The following NRXN3 variants were observed in gnomAD, a reference collection of about 807,000 sequenced individuals.
The protein encoded by NRXN3 is neurexin 3.
NRXN3 carries 32 observed loss-of-function variants against 137.6 expected under a neutral mutation model. The observed-to-expected ratio is 0.23, with a 90% confidence interval of 0.18 to 0.31. The LOEUF (loss-of-function observed/expected upper bound fraction) is 0.31, where lower values mean the gene tolerates loss of function less well. Among genes scored for constraint, NRXN3 ranks in the 10% least tolerant of loss-of-function variants. The probability of loss-of-function intolerance (pLI) is 1.00; values close to 1 mark genes in which losing one functional copy is unlikely to be tolerated. For missense variants in NRXN3, 1,574 were observed against 2,062.5 expected, an observed-to-expected ratio of 0.76 and a Z score of 4.59; for synonymous variants, 798 against 784.5, an observed-to-expected ratio of 1.02 and a Z score of -0.29.
chr14:78,482,212 T>C (rs928351893), intron 4 of NRXN3, among the ~76,000 whole-genome samples: 4 of 152,212 alleles, frequency 2.6e-5, no homozygotes, highest in Non-Finnish European at 4.4e-5. Flanking sequence ...TCAACTGATA[T>C]TGTTTCCATG....
chr14:79,257,439 GTGGTAGTGA>G (rs2076816598), intron 15 of NRXN3, among the ~76,000 whole-genome samples: 1 of 34,618 alleles, frequency 2.9e-5, no homozygotes, highest in Admixed American at 3.3e-4. Context: ...GGTGGTGGTG[GTGGTAGTGA>G]TGGTGGTGGT....
chr14:79,082,403 G>GTGTGTGTC (rs904237589), intron 15 of NRXN3, among the ~76,000 whole-genome samples: 1 of 151,822 alleles, frequency 6.6e-6, no homozygotes, highest in Admixed American at 6.6e-5. Flanking sequence ...GTGTGTGTGT[G>GTGTGTGTC]TGTGTGTGTG....
chr14:78,976,572 T>C, intron 14 of NRXN3, among the ~76,000 whole-genome samples: 1 of 152,216 alleles, frequency 6.6e-6, no homozygotes, highest in East Asian at 1.9e-4. Context: ...CCTCATTTTC[T>C]CCGAAACTGA....
chr14:79,769,390 T>A (rs940258770), intron 19 of NRXN3, among the ~76,000 whole-genome samples: 6 of 151,770 alleles, frequency 4.0e-5, no homozygotes, highest in Non-Finnish European at 8.8e-5. Context: ...CGGGTTACCC[T>A]CAAAGGGAAG....
intron 19 of NRXN3, among the ~76,000 whole-genome samples, chr14:79,803,602 TAC>T (rs2099190548): frequency 6.6e-6 from 1 of 152,080 alleles, no homozygotes; most frequent in Admixed American, 6.6e-5. Flanking sequence ...TTGTATCAAA[TAC>T]AGTCACATTC....
intron 15 of NRXN3, among the ~76,000 whole-genome samples, chr14:79,051,072 G>A (rs561801217): frequency 6.6e-6 from 1 of 152,248 alleles, no homozygotes; most frequent in South Asian, 2.1e-4. Flanking sequence ...GACACATAGG[G>A]AGGTTTAAAA....
At chr14:79,565,260 T>TACATATGTGTGTGTATACATATACGC (rs1567519550) in intron 16 of NRXN3, among the ~76,000 whole-genome samples, 2 of 2,524 alleles carry the variant, frequency 7.9e-4, no homozygotes, top group Non-Finnish European at 9.3e-4. Flanking sequence ...TATATACATA[T>TACATATGTGTGTGTATACATATACGC]ACACATGTGT....
At chr14:78,959,370 T>C (rs2099403617) in intron 11 of NRXN3, among the ~76,000 whole-genome samples, 1 of 152,198 alleles carries the variant, frequency 6.6e-6, no homozygotes, top group Non-Finnish European at 1.5e-5. Context: ...CAAATCCATG[T>C]CAGTGTGATT....
intron 4 of NRXN3, among the ~76,000 whole-genome samples, chr14:78,638,754 C>T (rs893122137): frequency 1.5e-4 from 23 of 152,124 alleles, no homozygotes; most frequent in Admixed American, 3.9e-4. Context: ...TGTAGAGGAA[C>T]GAACTCATAC....
Position 79,776,731 on chromosome 14 carries a change from G to C in NRXN3, c.4015-28381G>C, listed in dbSNP as rs1202594458. Among the ~76,000 whole-genome samples the C allele has an allele frequency of 2.6e-5, 4 of 152,168 alleles. 1 individual carries two copies. Among genetic ancestry groups the C allele is most frequent in the African/African-American group, 9.6e-5 (4 of 41,452 alleles). ...AAGAATGTGGCTAGAGGCTAAAAGGGACAGAGCAGGAAAAGCATGAAGGGC... is the reference window on the plus strand; with the variant it reads ...AAGAATGTGGCTAGAGGCTAAAAGGCACAGAGCAGGAAAAGCATGAAGGGC... On this transcript the variant is annotated intron_variant, in intron 19 of 20. Coordinates refer to ENST00000335750, the MANE Select transcript of NRXN3 (RefSeq NM_001330195.2).
At chr14:79,271,719 G>T (rs549280861) in intron 15 of NRXN3, among the ~76,000 whole-genome samples, 1 of 151,862 alleles carries the variant, frequency 6.6e-6, no homozygotes, top group Non-Finnish European at 1.5e-5. Flanking sequence ...GTGAACGCTG[G>T]GCTTGTTTGC....
intron 15 of NRXN3, chr14:79,201,088 A>G (rs2065932672): frequency 6.6e-6 from 1 of 152,098 alleles, no homozygotes; most frequent in African/African-American, 2.4e-5. Context: ...TAAAATTTAT[A>G]TTGAAGCCAC....
At chr14:79,146,802 G>A (rs975377444) in intron 15 of NRXN3, among the ~76,000 whole-genome samples, 1 of 152,186 alleles carries the variant, frequency 6.6e-6, no homozygotes. Flanking sequence ...GAAAGGAGAA[G>A]GACATTTGCA....
rs149714825 is a variant in NRXN3, at chr14:78,516,800, T to C, written c.758-128320T>C. On this transcript the variant is annotated intron_variant, in intron 4 of 20. Coordinates refer to ENST00000335750, the MANE Select transcript of NRXN3 (RefSeq NM_001330195.2). Reference sequence around the variant, plus strand: ...CCCACTGAAACTTGGGAAATAACTATAGTTAATGAATTTTGAAGAAAAGAG... The same window carrying C: ...CCCACTGAAACTTGGGAAATAACTACAGTTAATGAATTTTGAAGAAAAGAG... Among the ~76,000 whole-genome samples, 1,181 of 152,266 alleles carry C rather than the reference T, an allele frequency of 7.8e-3. 9 individuals carry two copies. The highest frequency in any genetic ancestry group is 0.02 in the Middle Eastern group (6 of 294).
chr14:79,772,952 C>G (rs927304221), intron 19 of NRXN3, among the ~76,000 whole-genome samples: 9 of 152,092 alleles, frequency 5.9e-5, no homozygotes, highest in Non-Finnish European at 1.0e-4. Flanking sequence ...ACAACCCCAT[C>G]AAAAAGTGGG....
At chr14:78,968,668 C>G (rs534682338) in intron 14 of NRXN3, among the ~76,000 whole-genome samples, 15 of 152,186 alleles carry the variant, frequency 9.9e-5, no homozygotes, top group Admixed American at 3.3e-4. Flanking sequence ...ATGGCTGAAA[C>G]AGCACTGGAG....
intron 15 of NRXN3, among the ~76,000 whole-genome samples, chr14:79,282,057 T>C (rs1040399591): frequency 1.6e-4 from 25 of 152,142 alleles, no homozygotes; most frequent in Non-Finnish European, 4.4e-5. Flanking sequence ...TTGATCTTGA[T>C]CTGGTGGCTC....
chr14:78,898,779 A>T (rs1482197521), intron 10 of NRXN3, among the ~76,000 whole-genome samples: 1 of 152,026 alleles, frequency 6.6e-6, no homozygotes, highest in East Asian at 1.9e-4. Context: ...AAACTTAAAT[A>T]CTTGGCCTAT....
At chr14:79,350,066 A>C (rs2093130262) in intron 15 of NRXN3, among the ~76,000 whole-genome samples, 1 of 152,198 alleles carries the variant, frequency 6.6e-6, no homozygotes, top group South Asian at 2.1e-4. Context: ...AATTAAACAT[A>C]TTATATGAAA....
Sources: gnomAD v4.1 joint callset for allele counts (sites outside exome capture counted in the v4.1 genomes callset) on GRCh38, gnomAD v4.1.1 for gene constraint, MANE v1.5 for transcripts, NCBI Gene and HGNC (gene_info 2026-07-23, HGNC 2026-07-21) for gene names.